The following CDH13 variants were observed in gnomAD, a reference collection of about 807,000 sequenced individuals.
CDH13 encodes cadherin-13.
CDH13 carries 24 observed loss-of-function variants against 63.8 expected under a neutral mutation model. The observed-to-expected ratio is 0.38, with a 90% CI of 0.27 to 0.53. The LOEUF is 0.53. Among genes scored for constraint, CDH13 ranks in the 20% least tolerant of loss-of-function variants. The pLI is 0.85. For synonymous variants in CDH13, 503 were observed against 355.3 expected, an observed-to-expected ratio of 1.42 and a Z score of -4.67; for missense variants, 1,049 against 903.1, an observed-to-expected ratio of 1.16 and a Z score of -2.07.
At chr16:82,634,789 G>A (rs57126366) in intron 1 of CDH13, among the ~76,000 whole-genome samples, 1 of 152,320 alleles carries the variant, frequency 6.6e-6, no homozygotes, top group East Asian at 1.9e-4. Flanking sequence ...GAGAAGTTCA[G>A]CCGTTGGGGA....
At chr16:83,484,056 C>G (rs187788538) in intron 6 of CDH13, among the ~76,000 whole-genome samples, 2 of 152,122 alleles carry the variant, frequency 1.3e-5, no homozygotes, top group Admixed American at 6.5e-5. Context: ...AGCATGTGGC[C>G]GGATGGCACC....
At chr16:83,558,201 G>A (rs1325578425) in intron 7 of CDH13, among the ~76,000 whole-genome samples, 1 of 152,178 alleles carries the variant, frequency 6.6e-6, no homozygotes, top group Non-Finnish European at 1.5e-5. Flanking sequence ...CTTTCTGCAA[G>A]CCCTGAAGAT....
At chr16:83,090,573 CAAAA>C (rs372312398) in intron 3 of CDH13, among the ~76,000 whole-genome samples, 2 of 129,950 alleles carry the variant, frequency 1.5e-5, no homozygotes, top group Non-Finnish European at 3.3e-5. Flanking sequence ...AACTGCATCT[CAAAA>C]AAAAAAAAAA....
chr16:82,638,674 A>G (rs997214963), intron 1 of CDH13, among the ~76,000 whole-genome samples: 1 of 152,122 alleles, frequency 6.6e-6, no homozygotes, highest in Non-Finnish European at 1.5e-5. Context: ...CTCCCCAGGG[A>G]GGATTTGCCA....
chr16:83,507,438 G>C (rs1331960114), intron 7 of CDH13, among the ~76,000 whole-genome samples: 6 of 152,192 alleles, frequency 3.9e-5, no homozygotes, highest in Non-Finnish European at 4.4e-5. Context: ...TATTTGGCTA[G>C]AAAGACTAAG....
At chr16:82,676,949 G>A (rs186473208) in intron 1 of CDH13, among the ~76,000 whole-genome samples, 2 of 152,016 alleles carry the variant, frequency 1.3e-5, no homozygotes, top group East Asian at 1.9e-4. Context: ...AGTGGCGCAA[G>A]CTCAGCTCGC....
rs554591540 is a variant in CDH13, at chr16:82,715,341, C to T, written c.45+88204C>T. ...AGCGCCAATCCTGCAGTGCTTATAG[C>T]CAAGTCAGGGCGTCTGTTTGTTGAG... On this transcript the variant is annotated intron_variant, in intron 1 of 13. Transcript: ENST00000567109. Among the ~76,000 whole-genome samples the T allele has an allele frequency of 4.6e-5, 7 of 151,376 alleles. No individual in the cohort carries two copies. The South Asian group carries it at 1.5e-3, about 32-fold the overall frequency.
At chr16:83,589,126 C>G (rs1026811634) in intron 7 of CDH13, among the ~76,000 whole-genome samples, 1 of 152,116 alleles carries the variant, frequency 6.6e-6, no homozygotes, top group Non-Finnish European at 1.5e-5. Flanking sequence ...AATCCATTTT[C>G]TTGCTTTTTC....
intron 6 of CDH13, among the ~76,000 whole-genome samples, chr16:83,357,403 C>T (rs1045351564): frequency 6.6e-6 from 1 of 152,168 alleles, no homozygotes; most frequent in Non-Finnish European, 1.5e-5. Context: ...ATGCACCATT[C>T]AAAAATGTCT....
chr16:83,679,390 C>T (rs1252581392), intron 10 of CDH13, among the ~76,000 whole-genome samples: 1 of 152,180 alleles, frequency 6.6e-6, no homozygotes, highest in Non-Finnish European at 1.5e-5. Context: ...GTATTGGACA[C>T]ACTTAAAACG....
intron 2 of CDH13, among the ~76,000 whole-genome samples, chr16:82,956,578 C>A (rs978395872): frequency 5.3e-5 from 8 of 152,152 alleles, no homozygotes; most frequent in African/African-American, 1.2e-4. Flanking sequence ...ATCATCATTA[C>A]CCCCGAGTTT....
chr16:82,689,255 T>A (rs1433876961), intron 1 of CDH13, among the ~76,000 whole-genome samples: 1 of 151,820 alleles, frequency 6.6e-6, no homozygotes, highest in Non-Finnish European at 1.5e-5. Context: ...GAATTAGAAA[T>A]GGGCCCATAC....
chr16:83,766,409 G>T (rs1467148009), intron 11 of CDH13, among the ~76,000 whole-genome samples: 1 of 152,188 alleles, frequency 6.6e-6, no homozygotes, highest in African/African-American at 2.4e-5. Flanking sequence ...AATTACTTGT[G>T]CATCAACCTA....
chr16:82,867,423 A>T (rs1164670548), intron 2 of CDH13, among the ~76,000 whole-genome samples: 1 of 152,152 alleles, frequency 6.6e-6, no homozygotes, highest in African/African-American at 2.4e-5. Context: ...CTGTCTCTGT[A>T]TTATAGAAGA....
intron 2 of CDH13, among the ~76,000 whole-genome samples, chr16:83,001,776 C>T (rs549775157): frequency 6.6e-6 from 1 of 152,128 alleles, no homozygotes. Flanking sequence ...TGAGTCCTGT[C>T]CAGGTGGTGG....
intron 4 of CDH13, among the ~76,000 whole-genome samples, chr16:83,156,281 T>C (rs2037203373): frequency 6.6e-6 from 1 of 152,186 alleles, no homozygotes; most frequent in East Asian, 1.9e-4. Context: ...GGGCCACTGG[T>C]TCTTTAAAAG....
At chr16:83,755,645 T>C (rs1388891784) in intron 11 of CDH13, among the ~76,000 whole-genome samples, 2 of 151,964 alleles carry the variant, frequency 1.3e-5, no homozygotes, top group African/African-American at 4.8e-5. Context: ...TGGAAGGCAA[T>C]GGAATAACAT....
intron 5 of CDH13, among the ~76,000 whole-genome samples, chr16:83,262,768 C>G (rs1907145417): frequency 6.6e-6 from 1 of 152,180 alleles, no homozygotes; most frequent in South Asian, 2.1e-4. Flanking sequence ...AAAATACCAA[C>G]AGTGTTTCTT....
intron 5 of CDH13, among the ~76,000 whole-genome samples, chr16:83,270,614 G>C (rs1441371135): frequency 6.6e-6 from 1 of 152,186 alleles, no homozygotes; most frequent in African/African-American, 2.4e-5. Context: ...TGCGGATCCT[G>C]TATGTGTGCA....
Sources: allele counts gnomAD v4.1 joint callset (sites outside exome capture counted in the v4.1 genomes callset), GRCh38; gene constraint gnomAD v4.1.1; transcripts MANE v1.5; gene names NCBI Gene and HGNC (gene_info 2026-07-23, HGNC 2026-07-21).